CHRM3: variants seen among roughly 807,000 people sequenced by gnomAD.
CHRM3 encodes the protein muscarinic acetylcholine receptor M3.
In CHRM3, 11 loss-of-function variants were observed where a neutral mutation model predicts 41.8. The observed-to-expected ratio is 0.26, with a 90% confidence interval of 0.17 to 0.44. The LOEUF (loss-of-function observed/expected upper bound fraction) is 0.44, where lower values mean the gene tolerates loss of function less well. Among genes scored for constraint, CHRM3 ranks in the 20% least tolerant of loss-of-function variants. CHRM3 has a pLI of 1.00. For synonymous variants in CHRM3, 297 were observed against 301.4 expected (o/e 0.99, Z 0.15); for missense variants, 571 against 745.4 (o/e 0.77, Z 2.72).
chr1:239,683,028 A>G (rs1054680675), intron 5 of CHRM3, among the ~76,000 whole-genome samples: 4 of 152,162 alleles, frequency 2.6e-5, no homozygotes, highest in Admixed American at 2.0e-4. Flanking sequence ...GAAATAGACA[A>G]TACAGTATTG....
intron 1 of CHRM3, among the ~76,000 whole-genome samples, chr1:239,490,115 C>T (rs58315120): frequency 0.021 from 3,141 of 152,196 alleles, 104 homozygotes; most frequent in African/African-American, 0.071. Context: ...CTATTTAGTA[C>T]GAGTACATAG....
Position 239,867,392 on chromosome 1 carries a change from G to A in CHRM3, c.-20+40014G>A, listed in dbSNP as rs543978638. ...AATAGGGCATTTTCTAAGTGACTTC[G>A]AAAGTCATGTATGGGCTGGGCCCGG... is the stretch of plus-strand genomic sequence containing the variant. On this transcript the variant is annotated intron_variant, in intron 6 of 6. Coordinates refer to ENST00000676153, the MANE Select transcript of CHRM3 (RefSeq NM_001375978.1). 2.6e-4 allele frequency among the ~76,000 whole-genome samples: 40 copies of A among 152,246 alleles called. No individual in the cohort carries two copies. In the South Asian group the frequency reaches 3.9e-3, roughly 15 times the overall value.
intron 1 of CHRM3, among the ~76,000 whole-genome samples, chr1:239,479,282 A>G (rs1226996188): frequency 3.9e-5 from 6 of 152,062 alleles, no homozygotes; most frequent in African/African-American, 1.4e-4. Context: ...GGAAACCCTA[A>G]GCAGTCTAAA....
At chr1:239,862,847 A>G (rs1354915899) in intron 6 of CHRM3, among the ~76,000 whole-genome samples, 3 of 152,212 alleles carry the variant, frequency 2.0e-5, no homozygotes, top group Non-Finnish European at 4.4e-5. Flanking sequence ...ACTTCGGTGA[A>G]ATCAAAGAAC....
intron 1 of CHRM3, among the ~76,000 whole-genome samples, chr1:239,455,708 T>G (rs1353070959): frequency 6.6e-6 from 1 of 152,174 alleles, no homozygotes; most frequent in Non-Finnish European, 1.5e-5. Context: ...ATATTACGTT[T>G]GAGTCAAAAA....
intron 5 of CHRM3, among the ~76,000 whole-genome samples, chr1:239,723,123 A>G (rs1306334969): frequency 6.6e-6 from 1 of 151,868 alleles, no homozygotes; most frequent in Non-Finnish European, 1.5e-5. Flanking sequence ...AATGTCAATA[A>G]TATCTAAACT....
intron 5 of CHRM3, among the ~76,000 whole-genome samples, chr1:239,826,079 A>T (rs144270587): frequency 6.6e-6 from 1 of 152,178 alleles, no homozygotes; most frequent in African/African-American, 2.4e-5. Flanking sequence ...TGTTTAGTGG[A>T]TAAAGAGTTT....
intron 1 of CHRM3, among the ~76,000 whole-genome samples, chr1:239,393,216 T>C (rs1659193257): frequency 6.6e-6 from 1 of 152,170 alleles, no homozygotes; most frequent in Non-Finnish European, 1.5e-5. Flanking sequence ...AAATATTAAA[T>C]ATTGTTGGGT....
At chr1:239,802,929 A>G (rs1388537451) in intron 5 of CHRM3, among the ~76,000 whole-genome samples, 1 of 152,174 alleles carries the variant, frequency 6.6e-6, no homozygotes, top group Admixed American at 6.5e-5. Flanking sequence ...TTAATTTGAG[A>G]TTTGACTTTG....
At chr1:239,877,540 G>T (rs2102846214) in intron 6 of CHRM3, among the ~76,000 whole-genome samples, 1 of 152,286 alleles carries the variant, frequency 6.6e-6, no homozygotes, top group South Asian at 2.1e-4. Flanking sequence ...TTACATGCCA[G>T]ATACTGCTAT....
At chr1:239,472,978 A>G (rs775261866) in intron 1 of CHRM3, among the ~76,000 whole-genome samples, 2 of 152,194 alleles carry the variant, frequency 1.3e-5, no homozygotes, top group Non-Finnish European at 2.9e-5. Flanking sequence ...AAGATCAGTA[A>G]TAGTCTCAGA....
intron 6 of CHRM3, among the ~76,000 whole-genome samples, chr1:239,864,025 T>C (rs935160221): frequency 2.6e-5 from 4 of 151,974 alleles, no homozygotes; most frequent in African/African-American, 9.7e-5. Flanking sequence ...TAATATGATC[T>C]TCTCCATAGG....
At chr1:239,460,367 TAAG>T (rs1178032369) in intron 1 of CHRM3, among the ~76,000 whole-genome samples, 1 of 152,164 alleles carries the variant, frequency 6.6e-6, no homozygotes, top group Non-Finnish European at 1.5e-5. Context: ...TCCAGGGTAT[TAAG>T]AAGAATGCTA....
chr1:239,654,914 T>A (rs1200066101), intron 4 of CHRM3, among the ~76,000 whole-genome samples: 1 of 152,236 alleles, frequency 6.6e-6, no homozygotes, highest in African/African-American at 2.4e-5. Context: ...GACAAGTCCC[T>A]TTCTAATAGA....
At chr1:239,725,158 C>G (rs975573826) in intron 5 of CHRM3, among the ~76,000 whole-genome samples, 5 of 151,852 alleles carry the variant, frequency 3.3e-5, no homozygotes, top group African/African-American at 1.2e-4. Context: ...TTATTCTTGT[C>G]TGGAGGATAA....
intron 3 of CHRM3, among the ~76,000 whole-genome samples, chr1:239,551,709 T>A: frequency 6.6e-6 from 1 of 152,194 alleles, no homozygotes; most frequent in East Asian, 1.9e-4. Flanking sequence ...ATGACGCCCA[T>A]CTTTGTTGCT....
intron 1 of CHRM3, among the ~76,000 whole-genome samples, chr1:239,439,116 G>A (rs933890704): frequency 6.6e-6 from 1 of 152,154 alleles, no homozygotes; most frequent in Non-Finnish European, 1.5e-5. Flanking sequence ...TCAGTTAGTG[G>A]CAGAAACTGA....
chr1:239,435,398 G>A (rs1013490860), intron 1 of CHRM3, among the ~76,000 whole-genome samples: 1 of 150,720 alleles, frequency 6.6e-6, no homozygotes, highest in African/African-American at 2.4e-5. Context: ...GCAGTGAGCC[G>A]AGATTGCACC....
chr1:239,567,432 T>C (rs1010248699), intron 3 of CHRM3, among the ~76,000 whole-genome samples: 4 of 152,208 alleles, frequency 2.6e-5, no homozygotes, highest in Admixed American at 1.3e-4. Context: ...AATATGCTGA[T>C]ACATTACTTC....
Sources: allele counts gnomAD v4.1 joint callset (sites outside exome capture counted in the v4.1 genomes callset), GRCh38; gene constraint gnomAD v4.1.1; transcripts MANE v1.5; gene names NCBI Gene and HGNC (gene_info 2026-07-23, HGNC 2026-07-21).